The following WDHD1 variants were observed in gnomAD, a reference collection of about 807,000 sequenced individuals.
WDHD1 encodes WD repeat and HMG-box DNA-binding protein 1.
In WDHD1, 111 loss-of-function variants were observed where a neutral mutation model predicts 135.4. The ratio of observed to expected loss-of-function variants is 0.82; its 90% CI spans 0.70 to 0.96. The LOEUF is 0.96. Among genes scored for constraint, WDHD1 ranks in the 40% least tolerant of loss-of-function variants. The probability of loss-of-function intolerance (pLI) is 0.00; values close to 1 mark genes in which losing one functional copy is unlikely to be tolerated. For synonymous variants in WDHD1, 434 were observed against 439.0 expected, an observed-to-expected ratio of 0.99 and a Z score of 0.14; for missense variants, 1,351 against 1,336.3, an observed-to-expected ratio of 1.01 and a Z score of -0.17.
intron 2 of WDHD1, among the ~76,000 whole-genome samples, chr14:55,013,843 C>T (rs536904780): frequency 6.6e-6 from 1 of 152,044 alleles, no homozygotes; most frequent in Admixed American, 6.6e-5. Context: ...AAGGTCAAGG[C>T]TGCAAGTGAA....
rs1168706928 is a variant in WDHD1, at chr14:55,005,581, C to T, written c.600+1699G>A. ...CAACACTTTTCCTTTTATAGATGTA[C>T]TGTCCCATCTGGAAGACAAAGCTGG... On this transcript the variant is annotated intron_variant, in intron 7 of 25. Coordinates refer to ENST00000360586, the MANE Select transcript of WDHD1 (RefSeq NM_007086.4). 4 of 600,138 alleles carry T rather than the reference C, an allele frequency of 6.7e-6. No individual in the cohort carries two copies. The East Asian group carries it at 1.2e-4, about 18-fold the overall frequency. The allele number at this position is 600,138 out of a possible 1,614,324, so 37.2% of individuals were successfully genotyped here.
intron 24 of WDHD1, among the ~76,000 whole-genome samples, chr14:54,946,057 C>G (rs1382987544): frequency 1.3e-5 from 2 of 151,972 alleles, no homozygotes; most frequent in African/African-American, 4.8e-5. Context: ...CAAATCAAAA[C>G]AAGTAAAAAT....
intron 2 of WDHD1, among the ~76,000 whole-genome samples, chr14:55,015,778 A>G (rs1360554887): frequency 6.6e-6 from 1 of 151,510 alleles, no homozygotes; most frequent in African/African-American, 2.4e-5. Context: ...AGCTCACTGC[A>G]ACCTCTGCCT....
chr14:55,005,573 T>G (rs1048941740), intron 7 of WDHD1: 1 of 601,102 alleles, frequency 1.7e-6, no homozygotes, highest in Non-Finnish European at 3.2e-6. Flanking sequence ...TTTCCTTTTA[T>G]AGATGTACTG....
At chr14:55,013,900 C>G (rs2042217498) in intron 2 of WDHD1, among the ~76,000 whole-genome samples, 1 of 151,668 alleles carries the variant, frequency 6.6e-6, no homozygotes, top group Admixed American at 6.6e-5. Flanking sequence ...GAGCAAGACT[C>G]TATCTCAAGG....
intron 2 of WDHD1, among the ~76,000 whole-genome samples, chr14:55,022,181 T>C (rs2042360512): frequency 6.6e-6 from 1 of 152,214 alleles, no homozygotes; most frequent in African/African-American, 2.4e-5. Context: ...AGATACTTTC[T>C]GACTTCAGGC....
chr14:54,991,687 G>A (rs1262128529), intron 11 of WDHD1, among the ~76,000 whole-genome samples: 2 of 151,956 alleles, frequency 1.3e-5, no homozygotes, highest in African/African-American at 4.8e-5. Context: ...ATTAAATCTT[G>A]ACGCTTACAC....
At chr14:54,972,682 T>C (rs1008643680) in intron 16 of WDHD1, among the ~76,000 whole-genome samples, 10 of 147,518 alleles carry the variant, frequency 6.8e-5, no homozygotes, top group Admixed American at 5.5e-4. Flanking sequence ...AAATCAGGCA[T>C]GGTAGTGGGC....
chr14:54,944,271 A>C, intron 25 of WDHD1, 61 bp downstream of exon 25: 1 of 1,589,328 alleles, frequency 6.3e-7, no homozygotes, highest in Admixed American at 1.9e-5. Flanking sequence ...AGGCATTTCT[A>C]TAAGAATTTT....
intron 24 of WDHD1, among the ~76,000 whole-genome samples, chr14:54,946,300 ACTCAACCTT>A (rs74732888): frequency 2.0e-5 from 3 of 152,150 alleles, no homozygotes; most frequent in Admixed American, 6.5e-5. Context: ...AACCCTTCTG[ACTCAACCTT>A]CTGAGTGGCT....
intron 24 of WDHD1, among the ~76,000 whole-genome samples, chr14:54,952,247 C>T (rs192798487): frequency 3.3e-5 from 5 of 152,270 alleles, no homozygotes; most frequent in East Asian, 3.9e-4. Flanking sequence ...AAAACCCCGT[C>T]GTCTCAGCCC....
At chr14:54,984,699 T>A in intron 15 of WDHD1, 24 bp downstream of exon 15, 1 of 1,586,788 alleles carries the variant, frequency 6.3e-7, no homozygotes, top group Non-Finnish European at 8.5e-7. Flanking sequence ...TTATACTTGT[T>A]TTTTTTAAAC....
rs188897107 is a variant in WDHD1 at position 55,018,825 on chromosome 14, C to T, written c.78-5229G>A. 2.1e-3 allele frequency among the ~76,000 whole-genome samples: 317 copies of T among 152,100 alleles called. 2 individuals carry two copies. Among genetic ancestry groups the T allele is most frequent in the African/African-American group, 7.2e-3 (300 of 41,490 alleles). On this transcript the variant is annotated intron_variant, in intron 2 of 25. Transcript: ENST00000360586. The stretch of plus-strand genomic sequence containing the variant: ...AATCCCAGCACTTTGGGAGGCGAGA[C>T]CAGCCTGACCAACAATGGAGAAACC...
chr14:54,984,661 C>T, intron 15 of WDHD1, 62 bp downstream of exon 15: 1 of 1,314,664 alleles, frequency 7.6e-7, no homozygotes, highest in Non-Finnish European at 1.0e-6. Flanking sequence ...AAATAATTTT[C>T]TTCTTGAAGA....
chr14:55,001,995 T>C, intron 8 of WDHD1, 98 bp downstream of exon 8: 1 of 858,492 alleles, frequency 1.2e-6, no homozygotes, highest in South Asian at 1.5e-5. Flanking sequence ...CAGGAGTTGT[T>C]TTCCATTCCA....
intron 24 of WDHD1, among the ~76,000 whole-genome samples, chr14:54,948,047 C>T (rs903533240): frequency 4.7e-4 from 72 of 151,858 alleles, no homozygotes; most frequent in Admixed American, 1.2e-3. Flanking sequence ...GAAACCTCGT[C>T]TCTACTAAAG....
At chr14:54,998,793 T>C (rs2041930520) in intron 10 of WDHD1, among the ~76,000 whole-genome samples, 1 of 152,174 alleles carries the variant, frequency 6.6e-6, no homozygotes, top group Non-Finnish European at 1.5e-5. Flanking sequence ...TATATCCTCC[T>C]TGTGGTTCAA....
chr14:55,006,176 T>C (rs1418343866), intron 7 of WDHD1, among the ~76,000 whole-genome samples: 2 of 152,206 alleles, frequency 1.3e-5, no homozygotes, highest in African/African-American at 2.4e-5. Flanking sequence ...TTGTTTTATA[T>C]GTGAATGTTA....
chr14:54,995,677 T>C lies in WDHD1; in HGVS notation c.1079A>G (p.Asp360Gly). The change falls in exon 11 of 26, where the codon GAT (aspartate) becomes GGT (glycine). Residue 360 changes from aspartate to glycine, a missense_variant. By Grantham distance (94) the Asp-to-Gly change is moderately conservative. Transcript: ENST00000360586. ...SKGIINDDED[D>G]EDLMMASGRP... is the part of the protein sequence containing the mutation. ...ACCTGAAGCCATCATGAGGTCTTCATCATCCTCATCATCATTTATAATCCC... is the reference window on the plus strand; with the variant it reads ...ACCTGAAGCCATCATGAGGTCTTCACCATCCTCATCATCATTTATAATCCC... 1 of 1,613,828 alleles carries C rather than the reference T, an allele frequency of 6.2e-7. No homozygotes were observed. The highest frequency in any genetic ancestry group is 1.1e-5 in the South Asian group (1 of 91,044).
Sources: allele counts gnomAD v4.1 joint callset (sites outside exome capture counted in the v4.1 genomes callset), GRCh38; gene constraint gnomAD v4.1.1; transcripts MANE v1.5; gene names NCBI Gene and HGNC (gene_info 2026-07-23, HGNC 2026-07-21).